KCNMB1: variants seen among roughly 807,000 people sequenced by gnomAD.
The protein encoded by KCNMB1 is potassium calcium-activated channel subfamily M regulatory beta subunit 1.
A neutral mutation model predicts 21.7 loss-of-function variants in KCNMB1; 22 were observed. That is an observed-to-expected ratio of 1.01 (90% CI 0.72 to 1.45). KCNMB1 has a LOEUF of 1.45. Ranked by LOEUF, KCNMB1 falls within the 40% of genes most tolerant of loss-of-function variation. The probability of loss-of-function intolerance (pLI) is 0.00; values close to 1 mark genes in which losing one functional copy is unlikely to be tolerated. For synonymous variants in KCNMB1, 114 were observed against 107.6 expected, an observed-to-expected ratio of 1.06 and a Z score of -0.37; for missense variants, 243 against 243.4, an observed-to-expected ratio of 1.00 and a Z score of 0.01.
At chr5:170,380,874 T>A (rs1764211770) in intron 3 of KCNMB1, among the ~76,000 whole-genome samples, 1 of 152,082 alleles carries the variant, frequency 6.6e-6, no homozygotes, top group Non-Finnish European at 1.5e-5. Flanking sequence ...GTAAAATGGG[T>A]TTGTGAGGCT....
In KCNMB1 at chr5:170,378,462, A is replaced by T; in HGVS notation, c.*242T>A. ...AGTTGAGTGGGGACAGGTAATAGAG[A>T]GCTAGAACTGGCTGGCCTTATGGCC... On this transcript the variant is annotated 3_prime_UTR_variant, in exon 4 of 4. Transcript: ENST00000274629. 1.9e-6 allele frequency: 1 copy of T among 529,068 alleles called. No homozygotes were observed. The highest frequency in any genetic ancestry group is 1.9e-5 in the African/African-American group (1 of 52,672). 32.8% of individuals were successfully genotyped at this position (529,068 alleles called of 1,614,324 possible). A position where few individuals can be genotyped will look rare whatever the true frequency, so the allele number is the denominator to read the frequency against.
intron 2 of KCNMB1, among the ~76,000 whole-genome samples, 167 bp from the exon 3 acceptor site, chr5:170,384,017 G>A (rs538734772): frequency 2.0e-5 from 3 of 152,250 alleles, no homozygotes; most frequent in Non-Finnish European, 2.9e-5. Context: ...CACAGTCCCC[G>A]GACACAGGGA....
intron 1 of KCNMB1, among the ~76,000 whole-genome samples, chr5:170,385,747 C>T (rs1045832396): frequency 3.3e-5 from 5 of 151,892 alleles, no homozygotes; most frequent in African/African-American, 7.3e-5. Context: ...AATGGCCCCC[C>T]AAGATGTCTA....
chr5:170,388,303 T>C (rs1287202908), intron 1 of KCNMB1, among the ~76,000 whole-genome samples: 3 of 152,200 alleles, frequency 2.0e-5, no homozygotes, highest in African/African-American at 7.2e-5. Context: ...GGGTTCAGTG[T>C]AGATATGACT....
chr5:170,377,733 TG>T lies in KCNMB1; in HGVS notation c.*970del, dbSNP rs1359685882. ...GACCACAGGTGCCCACCACCACGCC[TG>T]GCTAATTTTTTGTATTTTTAGTAGA... On this transcript the variant is annotated 3_prime_UTR_variant, in exon 4 of 4. Coordinates refer to ENST00000274629, the MANE Select transcript of KCNMB1 (RefSeq NM_004137.4). 2.0e-5 allele frequency: 3 copies of T among 152,206 alleles called. No homozygotes were observed. In the East Asian group the frequency reaches 5.8e-4, roughly 29 times the overall value. The allele number at this position is 152,206 out of a possible 1,614,324, so 9.4% of individuals were successfully genotyped here. A position where few individuals can be genotyped will look rare whatever the true frequency, so the allele number is the denominator to read the frequency against.
intron 3 of KCNMB1, among the ~76,000 whole-genome samples, chr5:170,381,474 C>A (rs779078881): frequency 7.2e-5 from 11 of 152,154 alleles, no homozygotes; most frequent in Admixed American, 4.6e-4. Context: ...CAGAGGACAC[C>A]CAGCTAGCCT....
chr5:170,385,809 C>G (rs1764445423), intron 1 of KCNMB1, among the ~76,000 whole-genome samples: 1 of 151,958 alleles, frequency 6.6e-6, no homozygotes, highest in Non-Finnish European at 1.5e-5. Context: ...AATGACTTTG[C>G]AGAAATGATT....
At position 170,378,877 on chromosome 5, in the gene KCNMB1, A is replaced by G. The variant is rs1420550468; in HGVS notation, c.403T>C (p.Cys135Arg). Reference sequence around the variant, plus strand: ...TCGTTCCCCCGAGGTGCGGAGAAGCAGTAGAAGACCTGCTGCTCTTGGAAT... The same window carrying G: ...TCGTTCCCCCGAGGTGCGGAGAAGCGGTAGAAGACCTGCTGCTCTTGGAAT... ...AKFQEQQVFY[C>R]FSAPRGNETS... The change falls in exon 4 of 4, where the codon TGC becomes CGC. Residue 135 changes from cysteine to arginine, a missense_variant. Coordinates refer to ENST00000274629, the MANE Select transcript of KCNMB1 (RefSeq NM_004137.4). 6.2e-7 allele frequency: 1 copy of G among 1,614,240 alleles called. No homozygotes were observed. Among genetic ancestry groups the G allele is most frequent in the East Asian group, 2.2e-5 (1 of 44,880 alleles).
intron 2 of KCNMB1, among the ~76,000 whole-genome samples, chr5:170,385,059 CATCATGTGTCTGTTACCACCACGTCCTAG>C (rs1208741406): frequency 6.6e-6 from 1 of 152,168 alleles, no homozygotes; most frequent in Non-Finnish European, 1.5e-5. Context: ...CTGAGAAGGG[CATCATGTGTCTGTTACCACCACGTCCTAG>C]ATCATGTGTC....
In KCNMB1 at chr5:170,378,562, C is replaced by G. The variant is rs922959445; in HGVS notation, c.*142G>C. 6.7e-6 allele frequency: 6 copies of G among 897,066 alleles called. No homozygotes were observed. The African/African-American group carries it at 8.4e-5, about 13-fold the overall frequency. The allele number at this position is 897,066 out of a possible 1,614,324, so 55.6% of individuals were successfully genotyped here. A position where few individuals can be genotyped will look rare whatever the true frequency, so the allele number is the denominator to read the frequency against. ...ACAAAAGGATTTCTCAAAGGTTAGTCCTGCAACAGAAGACAGCGTGGATTG... is the reference window on the plus strand; with the variant it reads ...ACAAAAGGATTTCTCAAAGGTTAGTGCTGCAACAGAAGACAGCGTGGATTG... On this transcript the variant is annotated 3_prime_UTR_variant, in exon 4 of 4. Coordinates refer to ENST00000274629, the MANE Select transcript of KCNMB1 (RefSeq NM_004137.4).
At chr5:170,388,244 A>C (rs1164252611) in intron 1 of KCNMB1, among the ~76,000 whole-genome samples, 2 of 152,222 alleles carry the variant, frequency 1.3e-5, no homozygotes, top group Non-Finnish European at 1.5e-5. Context: ...TGTTGCCTGC[A>C]CTGAGTGAGT....
rs1764346497 is a variant in KCNMB1, at chr5:170,383,702, C to T, written c.283G>A (p.Asp95Asn). 1.2e-6 allele frequency: 2 copies of T among 1,614,066 alleles called. No homozygotes were observed. The highest frequency in any genetic ancestry group is 1.7e-5 in the Admixed American group (1 of 60,010). The change falls in exon 3 of 4, where the codon GAC (aspartate) becomes AAC (asparagine). Residue 95 changes from aspartate (D) to asparagine (N), a missense_variant. Asp to Asn is a conservative substitution (Grantham distance 23). Transcript: ENST00000274629. ...GRWAVLYHTE[D>N]TRDQNQQCSY... is the part of the protein sequence containing the mutation. ...ACCTGCTGGTTCTGGTCCCGAGTGT[C>T]CTCCGTGTGGTACAGCACAGCCCAC...
rs540126216 is a variant in KCNMB1, at chr5:170,385,451, C to T, written c.-4G>A. The T allele has an allele frequency of 3.1e-6, 5 of 1,614,140 alleles. No individual in the cohort carries two copies. Among genetic ancestry groups the T allele is most frequent in the South Asian group, 2.2e-5 (2 of 91,068 alleles). On this transcript the variant is annotated 5_prime_UTR_variant, in exon 2 of 4. Transcript: ENST00000274629. ...CCATCACCAGCTTCTTCACCATATT[C>T]ACTGGGGGCAGTGATCATTTCTAGG...
chr5:170,382,842 G>A (rs573843057), intron 3 of KCNMB1: 3 of 152,380 alleles, frequency 2.0e-5, no homozygotes, highest in African/African-American at 7.2e-5. Context: ...GCTAGGCACT[G>A]TTCATGCATG....
chr5:170,384,419 G>T (rs1764381901), intron 2 of KCNMB1, among the ~76,000 whole-genome samples: 1 of 152,174 alleles, frequency 6.6e-6, no homozygotes, highest in Admixed American at 6.5e-5. Flanking sequence ...AGCCAGGATG[G>T]GAAAGATGGT....
At chr5:170,384,944 A>AGG (rs918361748) in intron 2 of KCNMB1, among the ~76,000 whole-genome samples, 5 of 152,218 alleles carry the variant, frequency 3.3e-5, no homozygotes, top group African/African-American at 1.2e-4. Flanking sequence ...GAGGCTTCAG[A>AGG]GGGGAGAGAA....
chr5:170,377,803 A>C lies in KCNMB1; in HGVS notation c.*901T>G, dbSNP rs1764069445. The C allele has an allele frequency of 6.6e-6, 1 of 152,076 alleles. No homozygotes were observed. The highest frequency in any genetic ancestry group is 1.5e-5 in the Non-Finnish European group (1 of 68,076). 9.4% of individuals were successfully genotyped at this position (152,076 alleles called of 1,614,324 possible). A position where few individuals can be genotyped will look rare whatever the true frequency, so the allele number is the denominator to read the frequency against. On this transcript the variant is annotated 3_prime_UTR_variant, in exon 4 of 4. Transcript: ENST00000274629. ...TAGCCAGGATGGTCTTGATCTCCTG[A>C]CCTCGTGATCCACCAGCCTCGGCCT...
chr5:170,384,976 A>G (rs1402273331), intron 2 of KCNMB1, among the ~76,000 whole-genome samples: 2 of 152,250 alleles, frequency 1.3e-5, no homozygotes, highest in Non-Finnish European at 2.9e-5. Context: ...AGCTGTAAAC[A>G]TCTGCAATTC....
At chr5:170,385,874 C>T (rs147852013) in intron 1 of KCNMB1, among the ~76,000 whole-genome samples, 2 of 151,990 alleles carry the variant, frequency 1.3e-5, no homozygotes, top group East Asian at 3.9e-4. Context: ...AATCCCAGCA[C>T]TTTCGGAGAC....
Sources: gnomAD v4.1 joint callset for allele counts (sites outside exome capture counted in the v4.1 genomes callset) on GRCh38, gnomAD v4.1.1 for gene constraint, MANE v1.5 for transcripts, NCBI Gene and HGNC (gene_info 2026-07-23, HGNC 2026-07-21) for gene names.